Variants in TMCO4 observed in about 807,000 individuals in gnomAD.
TMCO4 encodes transmembrane and coiled-coil domains 4, also known as transmembrane and coiled-coil domain-containing protein 4.
Under a neutral mutation model 64.7 loss-of-function variants are expected in TMCO4, and 58 were observed. The observed-to-expected ratio is 0.90, with a 90% CI of 0.73 to 1.12. The LOEUF (loss-of-function observed/expected upper bound fraction) is 1.12, where lower values mean the gene tolerates loss of function less well. TMCO4 is among the 50% of genes most tolerant of loss of function. TMCO4 has a pLI of 0.00. For missense variants in TMCO4, 780 were observed against 825.9 expected (o/e 0.94, Z 0.68); for synonymous variants, 325 against 346.1 (o/e 0.94, Z 0.68).
At chr1:19,748,748 C>G (rs1169541468) in intron 7 of TMCO4, among the ~76,000 whole-genome samples, 1 of 152,134 alleles carries the variant, frequency 6.6e-6, no homozygotes, top group East Asian at 1.9e-4. Flanking sequence ...TTACTTGAAC[C>G]CAGGAGGAGG....
chr1:19,771,759 T>C (rs1570976809), intron 4 of TMCO4, among the ~76,000 whole-genome samples: 1 of 152,084 alleles, frequency 6.6e-6, no homozygotes, highest in Admixed American at 6.6e-5. Flanking sequence ...CGGGTTCAAG[T>C]GATTCTCCTG....
At chr1:19,747,393 A>C in intron 7 of TMCO4, 133 bp from the exon 8 acceptor site, 1 of 769,020 alleles carries the variant, frequency 1.3e-6, no homozygotes, top group Non-Finnish European at 2.2e-6. Context: ...CACCAAAGTC[A>C]CCTTGAGCCC....
intron 15 of TMCO4, 52 bp downstream of exon 15, chr1:19,694,382 C>A: frequency 6.5e-7 from 1 of 1,532,974 alleles, no homozygotes. Flanking sequence ...GGTGGCTGGG[C>A]TGGAGCAACT....
intron 13 of TMCO4, among the ~76,000 whole-genome samples, chr1:19,729,321 T>C (rs1204176084): frequency 6.6e-6 from 1 of 151,850 alleles, no homozygotes; most frequent in Non-Finnish European, 1.5e-5. Context: ...CTAATTTTTG[T>C]ATTTTTAGTA....
intron 13 of TMCO4, among the ~76,000 whole-genome samples, chr1:19,715,578 T>C (rs918982707): frequency 1.3e-5 from 2 of 152,200 alleles, no homozygotes; most frequent in Admixed American, 6.5e-5. Context: ...AAGACGGATA[T>C]AACTGACGAC....
chr1:19,760,592 T>C (rs192349739), intron 6 of TMCO4, among the ~76,000 whole-genome samples: 264 of 152,250 alleles, frequency 1.7e-3, no homozygotes, highest in Middle Eastern at 0.01. Flanking sequence ...AATATATATA[T>C]ATCTCCAGCA....
chr1:19,703,251 T>C (rs2095283846), intron 13 of TMCO4, among the ~76,000 whole-genome samples: 1 of 152,208 alleles, frequency 6.6e-6, no homozygotes, highest in Non-Finnish European at 1.5e-5. Context: ...AACCAAATCA[T>C]GTAACTTCTC....
intron 15 of TMCO4, among the ~76,000 whole-genome samples, chr1:19,686,629 G>C (rs1282668646): frequency 6.6e-6 from 1 of 152,174 alleles, no homozygotes; most frequent in East Asian, 1.9e-4. Flanking sequence ...TGGTTTTCAG[G>C]GCCCTGGGCT....
At chr1:19,700,192 T>C (rs1254914744) in intron 14 of TMCO4, among the ~76,000 whole-genome samples, 3 of 152,132 alleles carry the variant, frequency 2.0e-5, no homozygotes, top group Non-Finnish European at 4.4e-5. Context: ...GGTTGCTTCC[T>C]TTCTAGCCCT....
intron 13 of TMCO4, among the ~76,000 whole-genome samples, chr1:19,728,955 T>C (rs150601290): frequency 2.0e-5 from 3 of 152,348 alleles, no homozygotes; most frequent in Admixed American, 6.5e-5. Flanking sequence ...TATGGCCTTC[T>C]GGCTGCTAAT....
intron 13 of TMCO4, among the ~76,000 whole-genome samples, chr1:19,730,112 G>A (rs2095424203): frequency 6.6e-6 from 1 of 152,238 alleles, no homozygotes; most frequent in Non-Finnish European, 1.5e-5. Context: ...CACATGGTAG[G>A]AAGGCATTTA....
At chr1:19,746,319 G>A in intron 9 of TMCO4, 137 bp downstream of exon 9, 1 of 1,320,474 alleles carries the variant, frequency 7.6e-7, no homozygotes, top group African/African-American at 1.5e-5. Flanking sequence ...GGAAGGCTGG[G>A]ACCCAGAGTG....
intron 3 of TMCO4, among the ~76,000 whole-genome samples, chr1:19,782,197 A>G (rs920281739): frequency 1.3e-5 from 2 of 152,242 alleles, no homozygotes; most frequent in Admixed American, 6.5e-5. Context: ...GGTCATATTC[A>G]TACTGTGAAA....
At chr1:19,736,366 G>A (rs114509203) in intron 13 of TMCO4, among the ~76,000 whole-genome samples, 1,875 of 152,258 alleles carry the variant, frequency 0.012, 29 homozygotes, top group East Asian at 0.061. Flanking sequence ...CATGTGGATT[G>A]TGGGAGCCAC....
chr1:19,784,970 T>C (rs116541403), intron 3 of TMCO4, among the ~76,000 whole-genome samples: 2,622 of 152,270 alleles, frequency 0.017, 79 homozygotes, highest in African/African-American at 0.058. Context: ...AGGCCGAAGA[T>C]TGGACAAGCT....
intron 15 of TMCO4, among the ~76,000 whole-genome samples, chr1:19,691,411 C>T (rs1175984655): frequency 2.6e-5 from 4 of 152,170 alleles, no homozygotes; most frequent in Non-Finnish European, 4.4e-5. Flanking sequence ...GACCTCTGGG[C>T]AGGGACATGG....
intron 13 of TMCO4, among the ~76,000 whole-genome samples, chr1:19,728,634 C>T (rs1003749903): frequency 1.3e-5 from 2 of 152,170 alleles, no homozygotes; most frequent in Non-Finnish European, 2.9e-5. Flanking sequence ...TCTGTACTGG[C>T]CTTGGCTCTG....
chr1:19,754,141 G>T (rs948338168), intron 7 of TMCO4, among the ~76,000 whole-genome samples: 7 of 152,174 alleles, frequency 4.6e-5, no homozygotes, highest in Admixed American at 1.3e-4. Flanking sequence ...GGCAGAACTG[G>T]CCTGTATTAG....
chr1:19,687,735 C>G (rs780293952), intron 15 of TMCO4, among the ~76,000 whole-genome samples: 1 of 152,182 alleles, frequency 6.6e-6, no homozygotes, highest in Non-Finnish European at 1.5e-5. Context: ...ATGGCTGGTG[C>G]CAGTGCTGGG....
Sources: gnomAD v4.1 joint callset for allele counts (sites outside exome capture counted in the v4.1 genomes callset) on GRCh38, gnomAD v4.1.1 for gene constraint, MANE v1.5 for transcripts, NCBI Gene and HGNC (gene_info 2026-07-23, HGNC 2026-07-21) for gene names.